Variants in ESCO1 observed in about 807,000 individuals in gnomAD.
The protein encoded by ESCO1 is N-acetyltransferase ESCO1.
A neutral mutation model predicts 83.5 loss-of-function variants in ESCO1; 33 were observed. The ratio of observed to expected loss-of-function variants is 0.40; its 90% CI spans 0.30 to 0.53. ESCO1 has a LOEUF of 0.53. Ranked by LOEUF, ESCO1 falls within the 20% of genes least tolerant of loss-of-function variation. ESCO1 has a pLI of 0.63. For synonymous variants in ESCO1, 332 were observed against 324.3 expected, an observed-to-expected ratio of 1.02 and a Z score of -0.25; for missense variants, 855 against 968.0, an observed-to-expected ratio of 0.88 and a Z score of 1.55.
chr18:21,592,591 T>G (rs1276377558), intron 1 of ESCO1, among the ~76,000 whole-genome samples: 1 of 115,750 alleles, frequency 8.6e-6, no homozygotes, highest in African/African-American at 3.4e-5. Flanking sequence ...GGGCGGCTGG[T>G]GGGGCGGGAG....
chr18:21,539,336 A>T (rs1002286449), intron 9 of ESCO1, among the ~76,000 whole-genome samples: 1 of 152,176 alleles, frequency 6.6e-6, no homozygotes, highest in African/African-American at 2.4e-5. Flanking sequence ...ACAGAAGATA[A>T]GCATATCTAC....
At chr18:21,561,479 G>A (rs1835638843) in intron 7 of ESCO1, among the ~76,000 whole-genome samples, 1 of 152,168 alleles carries the variant, frequency 6.6e-6, no homozygotes, top group African/African-American at 2.4e-5. Context: ...CCAGGCTGGA[G>A]TGCAGTGGCA....
At position 21,580,971 on chromosome 18, in the gene ESCO1, C is replaced by T. The variant is rs146786823; in HGVS notation, c.-694+3339G>A. Among the ~76,000 whole-genome samples the T allele has an allele frequency of 5.4e-3, 819 of 151,922 alleles. 8 individuals are homozygous for T. Among genetic ancestry groups the T allele is most frequent in the African/African-American group, 0.016 (682 of 41,448 alleles). On this transcript the variant is annotated intron_variant, in intron 2 of 11. Coordinates refer to ENST00000269214, the MANE Select transcript of ESCO1 (RefSeq NM_052911.3). Reference sequence around the variant, plus strand: ...CGCCATTGCACTCCAGCCTGGGCAACAAGAGCAAAACTCCATCGAAACGGA... The same window carrying T: ...CGCCATTGCACTCCAGCCTGGGCAATAAGAGCAAAACTCCATCGAAACGGA...
chr18:21,552,563 C>G (rs938723733), intron 8 of ESCO1, among the ~76,000 whole-genome samples: 3 of 152,170 alleles, frequency 2.0e-5, no homozygotes, highest in Non-Finnish European at 4.4e-5. Context: ...TTAATTAAAC[C>G]TCTCTCCTTT....
intron 8 of ESCO1, among the ~76,000 whole-genome samples, chr18:21,541,115 A>T (rs1382242743): frequency 6.6e-6 from 1 of 152,188 alleles, no homozygotes; most frequent in Non-Finnish European, 1.5e-5. Context: ...TAACAATTTA[A>T]ATTAAAATAT....
intron 11 of ESCO1, among the ~76,000 whole-genome samples, chr18:21,531,807 C>T (rs1317763478): frequency 1.5e-5 from 2 of 133,162 alleles, no homozygotes; most frequent in Non-Finnish European, 3.1e-5. Context: ...GTGGGAGAAT[C>T]GTTTGAACCT....
intron 1 of ESCO1, among the ~76,000 whole-genome samples, chr18:21,589,015 G>A (rs1374592851): frequency 6.6e-6 from 1 of 152,210 alleles, no homozygotes; most frequent in African/African-American, 2.4e-5. Flanking sequence ...GCCGAGGTGG[G>A]CAGGTCACCT....
intron 9 of ESCO1, among the ~76,000 whole-genome samples, chr18:21,539,117 T>A (rs1364736403): frequency 6.6e-6 from 1 of 152,100 alleles, no homozygotes; most frequent in East Asian, 1.9e-4. Flanking sequence ...TAAACTGGAA[T>A]ATATCCTTAT....
chr18:21,540,035 CA>C (rs766503726), intron 8 of ESCO1, 26 bp from the exon 9 acceptor site: 3 of 1,454,328 alleles, frequency 2.1e-6, no homozygotes, highest in Non-Finnish European at 2.8e-6. Flanking sequence ...TATATATACA[CA>C]CATATGTAAA....
At chr18:21,584,946 C>T (rs931337915) in intron 1 of ESCO1, among the ~76,000 whole-genome samples, 8 of 152,084 alleles carry the variant, frequency 5.3e-5, no homozygotes, top group Non-Finnish European at 1.2e-4. Context: ...TCAAGACCAG[C>T]ATGGCCAAGA....
Position 21,573,707 on chromosome 18 carries a change from A to C in ESCO1, c.1137T>G (p.Asn379Lys), listed in dbSNP as rs2038373461. ...TCTTCTTGGCTGAGCTGTTTATTCC[A>C]TTTAGTATACATTTCACAGGCTTTG... is the stretch of plus-strand genomic sequence containing the variant. ...RKTKPVKCIL[N>K]GINSSAKKNS... Residue 379 changes from asparagine to lysine, a missense_variant, in exon 4 of 12, where the codon AAT becomes AAG. This residue lies in a region of ESCO1 where 726 missense variants were observed against 699.5 expected (regional missense o/e 1.04). Transcript: ENST00000269214. The C allele has an allele frequency of 3.1e-6, 5 of 1,614,140 alleles. No homozygotes were observed. The East Asian group carries it at 1.1e-4, about 36-fold the overall frequency.
intron 8 of ESCO1, among the ~76,000 whole-genome samples, chr18:21,557,002 C>T (rs1193125413): frequency 6.6e-6 from 1 of 152,042 alleles, no homozygotes; most frequent in Non-Finnish European, 1.5e-5. Context: ...CCGGTATTGT[C>T]GACTCTTTCT....
At chr18:21,555,410 AAAT>A (rs1385254049) in intron 8 of ESCO1, among the ~76,000 whole-genome samples, 1 of 152,236 alleles carries the variant, frequency 6.6e-6, no homozygotes, top group Non-Finnish European at 1.5e-5. Flanking sequence ...GGATTCTGGG[AAAT>A]AATGATGTGT....
chr18:21,576,986 T>C (rs1447456721), intron 2 of ESCO1, among the ~76,000 whole-genome samples: 2 of 151,436 alleles, frequency 1.3e-5, no homozygotes, highest in East Asian at 2.0e-4. Context: ...TGAGCTGAGA[T>C]TGTGCCACTG....
chr18:21,544,465 A>G (rs2037946369), intron 8 of ESCO1, among the ~76,000 whole-genome samples: 1 of 149,836 alleles, frequency 6.7e-6, no homozygotes, highest in South Asian at 2.1e-4. Context: ...AAAAAAAACA[A>G]AAAAAAAACA....
chr18:21,590,525 C>G (rs2038650571), intron 1 of ESCO1, among the ~76,000 whole-genome samples: 1 of 152,110 alleles, frequency 6.6e-6, no homozygotes, highest in Non-Finnish European at 1.5e-5. Flanking sequence ...CAGTCATGAA[C>G]CCTTTTTCTA....
chr18:21,530,602 CTT>C, intron 11 of ESCO1, 112 bp from the exon 12 acceptor site: 1 of 1,035,280 alleles, frequency 9.7e-7, no homozygotes, highest in East Asian at 2.8e-5. Flanking sequence ...ACTAAAAAAG[CTT>C]TTTAGATACT....
chr18:21,591,707 T>C (rs1568114606), intron 1 of ESCO1, among the ~76,000 whole-genome samples: 1 of 151,568 alleles, frequency 6.6e-6, no homozygotes, highest in Non-Finnish European at 1.5e-5. Context: ...TTCTTGGGTG[T>C]TTCTCACAGA....
chr18:21,570,770 A>T (rs1253524236), intron 4 of ESCO1, among the ~76,000 whole-genome samples: 1 of 152,080 alleles, frequency 6.6e-6, no homozygotes, highest in Non-Finnish European at 1.5e-5. Flanking sequence ...GGAGGTCAGG[A>T]GATCGAGACC....
Sources: allele counts gnomAD v4.1 joint callset (sites outside exome capture counted in the v4.1 genomes callset), GRCh38; gene constraint gnomAD v4.1.1; regional missense constraint gnomAD v4.1.1; transcripts MANE v1.5; gene names NCBI Gene and HGNC (gene_info 2026-07-23, HGNC 2026-07-21).